Variants in RPS6KB1 observed in about 807,000 individuals in gnomAD.
The protein encoded by RPS6KB1 is ribosomal protein S6 kinase B1, also known as ribosomal protein S6 kinase beta-1.
In RPS6KB1, 12 loss-of-function variants were observed where a neutral mutation model predicts 70.2. The observed-to-expected ratio is 0.17, with a 90% CI of 0.11 to 0.28. The LOEUF (loss-of-function observed/expected upper bound fraction) is 0.28, where lower values mean the gene tolerates loss of function less well. Among genes scored for constraint, RPS6KB1 ranks in the 10% least tolerant of loss-of-function variants. The probability of loss-of-function intolerance (pLI) is 1.00; values close to 1 mark genes in which losing one functional copy is unlikely to be tolerated. For missense variants in RPS6KB1, 270 were observed against 646.6 expected (o/e 0.42, Z 6.32); for synonymous variants, 175 against 211.2 (o/e 0.83, Z 1.49).
In RPS6KB1 at chr17:59,903,059, G is replaced by A. The variant is rs2042050909; in HGVS notation, c.142-7503G>A. ...CTGGGCATGGTGGCCTGTATTCCCA[G>A]CACTTTGGGAGGCCGAGCTGGGTGG... is the stretch of plus-strand genomic sequence containing the variant. On this transcript the variant is annotated intron_variant, in intron 1 of 14. Transcript: ENST00000225577. 2.0e-5 allele frequency among the ~76,000 whole-genome samples: 3 copies of A among 151,946 alleles called. No individual in the cohort carries two copies. The South Asian group carries it at 6.2e-4, about 32-fold the overall frequency.
chr17:59,908,773 C>T (rs1268728766), intron 1 of RPS6KB1, among the ~76,000 whole-genome samples: 1 of 142,874 alleles, frequency 7.0e-6, no homozygotes, highest in East Asian at 2.1e-4. Context: ...TGCCCGCTAC[C>T]ACGCCCGGCT....
chr17:59,922,864 A>AT (rs1437699257), intron 4 of RPS6KB1, among the ~76,000 whole-genome samples: 26 of 131,302 alleles, frequency 2.0e-4, no homozygotes, highest in East Asian at 5.1e-4. Context: ...TTTTAAAAAA[A>AT]TTTGTTTGTT....
intron 3 of RPS6KB1, chr17:59,913,671 C>T (rs375348401): frequency 1.3e-5 from 2 of 152,144 alleles, no homozygotes; most frequent in Non-Finnish European, 2.9e-5. Context: ...ATAAGCTACA[C>T]ACATCCTCCC....
chr17:59,938,566 C>T (rs955343954), intron 12 of RPS6KB1, among the ~76,000 whole-genome samples: 3 of 151,992 alleles, frequency 2.0e-5, no homozygotes, highest in Non-Finnish European at 2.9e-5. Context: ...CTGATGTTAT[C>T]CCCATAGTTT....
chr17:59,902,578 C>CTTTTTTT (rs559757964), intron 1 of RPS6KB1, among the ~76,000 whole-genome samples: 1 of 134,352 alleles, frequency 7.4e-6, no homozygotes, highest in Non-Finnish European at 1.6e-5. Context: ...TTTTTTGTTT[C>CTTTTTTT]TTTTTTTTTT....
At chr17:59,925,025 G>A (rs575458214) in intron 4 of RPS6KB1, among the ~76,000 whole-genome samples, 17 of 152,046 alleles carry the variant, frequency 1.1e-4, no homozygotes, top group African/African-American at 3.1e-4. Flanking sequence ...TAGAGATGGC[G>A]TTTCACCGTG....
intron 1 of RPS6KB1, among the ~76,000 whole-genome samples, chr17:59,904,068 GTATTTATT>G (rs34220591): frequency 0.013 from 1,944 of 149,404 alleles, 42 homozygotes; most frequent in African/African-American, 0.044. Context: ...TTGAGTTGGA[GTATTTATT>G]TATTTATTTA....
intron 1 of RPS6KB1, among the ~76,000 whole-genome samples, chr17:59,894,704 A>C (rs1361346023): frequency 2.0e-5 from 3 of 152,124 alleles, no homozygotes; most frequent in Non-Finnish European, 4.4e-5. Flanking sequence ...TCCTGGGTTT[A>C]AGCGATTGTC....
At chr17:59,931,467 C>T (rs1303823744) in intron 6 of RPS6KB1, 155 bp from the exon 7 acceptor site, 9 of 605,060 alleles carry the variant, frequency 1.5e-5, no homozygotes, top group Non-Finnish European at 2.7e-5. Context: ...CTTTTGGCAG[C>T]ATCCTATGCC....
At chr17:59,897,272 T>A (rs2041618254) in intron 1 of RPS6KB1, among the ~76,000 whole-genome samples, 1 of 152,230 alleles carries the variant, frequency 6.6e-6, no homozygotes, top group East Asian at 1.9e-4. Context: ...TAATCTCTAA[T>A]GTTTTCTATA....
intron 4 of RPS6KB1, among the ~76,000 whole-genome samples, chr17:59,917,693 T>C (rs1477395713): frequency 6.6e-6 from 1 of 152,212 alleles, no homozygotes; most frequent in Non-Finnish European, 1.5e-5. Context: ...CTGTTTTGGC[T>C]CCCAAAGTGT....
At chr17:59,926,797 T>G (rs754583678) in intron 5 of RPS6KB1, among the ~76,000 whole-genome samples, 1 of 152,094 alleles carries the variant, frequency 6.6e-6, no homozygotes, top group Non-Finnish European at 1.5e-5. Context: ...ATCTGTAAAA[T>G]TTTATTTTAA....
At position 59,902,384 on chromosome 17, in the gene RPS6KB1, C is replaced by T. The variant is rs186701011; in HGVS notation, c.142-8178C>T. On this transcript the variant is annotated intron_variant, in intron 1 of 14. Coordinates refer to ENST00000225577, the MANE Select transcript of RPS6KB1 (RefSeq NM_003161.4). The stretch of plus-strand genomic sequence containing the variant: ...CCTCTCAAAGTGCTGGGATTACAGG[C>T]GTGAGCCACAGCATAAAGTTTTTGA... Among the ~76,000 whole-genome samples, 634 of 152,038 alleles carry T rather than the reference C, an allele frequency of 4.2e-3. 7 individuals carry two copies. The highest frequency in any genetic ancestry group is 6.8e-3 in the Middle Eastern group (2 of 294).
intron 1 of RPS6KB1, among the ~76,000 whole-genome samples, chr17:59,910,336 A>G (rs567428300): frequency 1.1e-4 from 17 of 152,292 alleles, no homozygotes; most frequent in South Asian, 2.1e-4. Context: ...TCTGGGCAAC[A>G]TAGAAAGACC....
At chr17:59,936,633 G>GCCAGGAGTTCAAGA in intron 12 of RPS6KB1, 92 bp downstream of exon 12, 2 of 1,030,148 alleles carry the variant, frequency 1.9e-6, no homozygotes, top group Non-Finnish European at 3.0e-6. Context: ...ATTGTTTGAG[G>GCCAGGAGTTCAAGA]CCAGGAGTTC....
chr17:59,936,652 C>T, intron 12 of RPS6KB1, 111 bp downstream of exon 12: 3 of 830,948 alleles, frequency 3.6e-6, no homozygotes, highest in Non-Finnish European at 4.1e-6. Context: ...TCAAGACCAG[C>T]ATGGGCAACA....
intron 4 of RPS6KB1, among the ~76,000 whole-genome samples, chr17:59,917,572 G>T (rs2043030142): frequency 6.6e-6 from 1 of 152,076 alleles, no homozygotes; most frequent in Non-Finnish European, 1.5e-5. Flanking sequence ...GAGTAGCTAG[G>T]ACTGCAGATG....
chr17:59,900,956 G>A (rs1472571058), intron 1 of RPS6KB1, among the ~76,000 whole-genome samples: 3 of 151,308 alleles, frequency 2.0e-5, no homozygotes, highest in African/African-American at 7.3e-5. Flanking sequence ...GAAGTTGGGA[G>A]TTCAAGACTA....
chr17:59,918,885 G>A lies in RPS6KB1; in HGVS notation c.381+4182G>A, dbSNP rs147649657. Among the ~76,000 whole-genome samples the A allele has an allele frequency of 4.2e-5, 6 of 142,286 alleles. No homozygotes were observed. The East Asian group carries it at 6.2e-4, about 15-fold the overall frequency. The allele number at this position is 142,286 out of a possible 152,430, so 93.3% of individuals were successfully genotyped here. Reference sequence around the variant, plus strand: ...CTTGCTCTGTCGTCTAGGCTGGAGTGCAGTGGCACAGTCTCGGCTCACTGC... The same window carrying A: ...CTTGCTCTGTCGTCTAGGCTGGAGTACAGTGGCACAGTCTCGGCTCACTGC... On this transcript the variant is annotated intron_variant, in intron 4 of 14. Transcript: ENST00000225577.
Sources: allele counts gnomAD v4.1 joint callset (sites outside exome capture counted in the v4.1 genomes callset), GRCh38; gene constraint gnomAD v4.1.1; transcripts MANE v1.5; gene names NCBI Gene and HGNC (gene_info 2026-07-23, HGNC 2026-07-21).